The following ARHGEF33 variants were observed in gnomAD, a reference collection of about 807,000 sequenced individuals.
The protein encoded by ARHGEF33 is Rho guanine nucleotide exchange factor 33, also known as DH and coiled-coil domain-containing protein ENSP00000381780.
ARHGEF33 carries 72 observed loss-of-function variants against 101.9 expected under a neutral mutation model. The ratio of observed to expected loss-of-function variants is 0.71; its 90% CI spans 0.58 to 0.86. The LOEUF (loss-of-function observed/expected upper bound fraction) is 0.86. ARHGEF33 is among the 40% of genes least tolerant of loss of function. The pLI is 0.00. For missense variants in ARHGEF33, 1,169 were observed against 1,111.3 expected (o/e 1.05, Z -0.74); for synonymous variants, 499 against 442.5 (o/e 1.13, Z -1.60).
rs981041764 is a variant in ARHGEF33 at position 38,952,990 on chromosome 2, C to T, written c.1054-172C>T. On this transcript the variant is annotated intron_variant, in intron 11 of 17. Coordinates refer to ENST00000409978, the MANE Select transcript of ARHGEF33 (RefSeq NM_001145451.5). ...CTAGGATTACAGGCGTGAGCCACCG[C>T]GCCTTATCTAAGATTAATTCTTTAA... 1.4e-4 allele frequency among the ~76,000 whole-genome samples: 22 copies of T among 152,070 alleles called. 1 individual carries two copies. Among genetic ancestry groups the T allele is most frequent in the African/African-American group, 4.8e-4 (20 of 41,378 alleles).
chr2:38,935,848 C>G lies in ARHGEF33; in HGVS notation c.565+14C>G. ...TGATGGGTCCTGGTAAGTGACTCTT[C>G]TCTTAGTTTTCTTTTCTTCCAGCAA... On this transcript the variant is annotated intron_variant, in intron 8 of 17. Transcript: ENST00000409978. 3 of 1,543,340 alleles carry G rather than the reference C, an allele frequency of 1.9e-6. No individual in the cohort carries two copies. The Admixed American group carries it at 5.9e-5, about 30-fold the overall frequency.
chr2:38,948,285 T>C (rs1293791194), intron 10 of ARHGEF33, among the ~76,000 whole-genome samples: 1 of 152,250 alleles, frequency 6.6e-6, no homozygotes, highest in Non-Finnish European at 1.5e-5. Flanking sequence ...GTTAAATTTT[T>C]TTAAAAGGTT....
In ARHGEF33 at chr2:38,943,946, A is replaced by T; in HGVS notation, c.836A>T (p.Lys279Ile). 1 of 1,551,932 alleles carries T rather than the reference A, an allele frequency of 6.4e-7. No homozygotes were observed. Among genetic ancestry groups the T allele is most frequent in the Non-Finnish European group, 8.7e-7 (1 of 1,147,004 alleles). ...VALELLESER[K>I]YVINISLILK... ...CTGGAACTGCTTGAATCTGAAAGAA[A>T]ATATGTCATTAACATCTCTCTGATC... Residue 279 changes from lysine to isoleucine, a missense_variant, in exon 10 of 18, where the codon AAA (lysine) becomes ATA (isoleucine). Transcript: ENST00000409978.
intron 7 of ARHGEF33, among the ~76,000 whole-genome samples, 185 bp from the exon 8 acceptor site, chr2:38,935,590 A>G (rs1667109979): frequency 6.6e-6 from 1 of 152,186 alleles, no homozygotes; most frequent in Non-Finnish European, 1.5e-5. Flanking sequence ...AAGTACCACT[A>G]TTATATCTTT....
chr2:38,903,798 C>A (rs1424068362), intron 2 of ARHGEF33, among the ~76,000 whole-genome samples: 3 of 152,168 alleles, frequency 2.0e-5, no homozygotes, highest in Non-Finnish European at 4.4e-5. Flanking sequence ...TTTTCTTCTA[C>A]CAATTATTTC....
rs1668224678 is a variant in ARHGEF33, at chr2:38,974,049, T to A, written c.*206T>A. The stretch of plus-strand genomic sequence containing the variant: ...TGAAGATTAGTTTCTGGTTAAGATC[T>A]GGCTTTTTGAACCTCAACACTGGGG... On this transcript the variant is annotated 3_prime_UTR_variant, in exon 18 of 18. Coordinates refer to ENST00000409978, the MANE Select transcript of ARHGEF33 (RefSeq NM_001145451.5). 2 of 241,240 alleles carry A rather than the reference T, an allele frequency of 8.3e-6. No individual in the cohort carries two copies. The highest frequency in any genetic ancestry group is 1.4e-5 in the Non-Finnish European group (2 of 143,848). 14.9% of individuals were successfully genotyped at this position (241,240 alleles called of 1,614,324 possible).
At chr2:38,966,187 C>A in intron 17 of ARHGEF33, 42 bp downstream of exon 17, 1 of 1,539,742 alleles carries the variant, frequency 6.5e-7, no homozygotes, top group South Asian at 1.2e-5. Flanking sequence ...ACTCATTTCC[C>A]TTTGGGCTAA....
chr2:38,941,632 C>T (rs1667309886), intron 9 of ARHGEF33, among the ~76,000 whole-genome samples: 1 of 151,750 alleles, frequency 6.6e-6, no homozygotes, highest in Admixed American at 6.6e-5. Flanking sequence ...ACTGCAACCT[C>T]TGGCTGCCAG....
rs759132191 is a variant in ARHGEF33 at position 38,965,962 on chromosome 2, C to A, written c.2344-44C>A. The A allele has an allele frequency of 2.9e-5, 45 of 1,546,530 alleles. No individual in the cohort carries two copies. The African/African-American group carries it at 6.2e-4, about 21-fold the overall frequency. On this transcript the variant is annotated intron_variant, in intron 16 of 17. Coordinates refer to ENST00000409978, the MANE Select transcript of ARHGEF33 (RefSeq NM_001145451.5). ...GTCCCATAGTCAGGATCCATAATAACATTGGAAGGAGTAAAGAAAAAAATC... is the reference window on the plus strand; with the variant it reads ...GTCCCATAGTCAGGATCCATAATAAAATTGGAAGGAGTAAAGAAAAAAATC...
intron 2 of ARHGEF33, among the ~76,000 whole-genome samples, chr2:38,913,017 C>T (rs1190602410): frequency 1.3e-5 from 2 of 151,548 alleles, no homozygotes; most frequent in Non-Finnish European, 2.9e-5. Context: ...TGGGAAAATG[C>T]TTATGCTCTG....
At chr2:38,929,683 A>C in intron 5 of ARHGEF33, 26 bp from the exon 6 acceptor site, 1 of 1,548,096 alleles carries the variant, frequency 6.5e-7, no homozygotes, top group Non-Finnish European at 8.7e-7. Flanking sequence ...GTACCACGTT[A>C]AAACATAGCA....
chr2:38,921,958 C>T (rs1666767040), intron 4 of ARHGEF33, among the ~76,000 whole-genome samples: 1 of 152,072 alleles, frequency 6.6e-6, no homozygotes, highest in Admixed American at 6.5e-5. Flanking sequence ...AATATCTGTA[C>T]AGGAAAAACT....
At chr2:38,891,369 T>G (rs1005841717) in intron 1 of ARHGEF33, among the ~76,000 whole-genome samples, 4 of 152,076 alleles carry the variant, frequency 2.6e-5, no homozygotes, top group Non-Finnish European at 4.4e-5. Flanking sequence ...CTCCTTCCCT[T>G]CCTCTCTCCT....
rs889223868 is a variant in ARHGEF33 at position 38,953,122 on chromosome 2, T to C, written c.1054-40T>C. 4.3e-6 allele frequency: 4 copies of C among 921,970 alleles called. No homozygotes were observed. In the African/African-American group the frequency reaches 6.5e-5, roughly 15 times the overall value. The allele number at this position is 921,970 out of a possible 1,614,324, so 57.1% of individuals were successfully genotyped here. The stretch of plus-strand genomic sequence containing the variant: ...TCTATAAAAATATTATAGATCCTGT[T>C]TTCAGGTTCTTACCATGCATTTTTG... On this transcript the variant is annotated intron_variant, in intron 11 of 17. Coordinates refer to ENST00000409978, the MANE Select transcript of ARHGEF33 (RefSeq NM_001145451.5).
At chr2:38,891,761 C>CA (rs546150613) in intron 1 of ARHGEF33, among the ~76,000 whole-genome samples, 104 of 143,646 alleles carry the variant, frequency 7.2e-4, no homozygotes, top group Non-Finnish European at 1.4e-3. Context: ...GTGTGAAACA[C>CA]AGTTTAACCA....
intron 4 of ARHGEF33, among the ~76,000 whole-genome samples, chr2:38,928,383 C>T (rs1338225527): frequency 6.6e-6 from 1 of 152,078 alleles, no homozygotes; most frequent in African/African-American, 2.4e-5. Context: ...ATGATATCAT[C>T]CAAGAGTATT....
intron 17 of ARHGEF33, chr2:38,971,934 C>T: frequency 1.4e-6 from 1 of 718,522 alleles, no homozygotes; most frequent in South Asian, 1.5e-5. Context: ...TCAAAGCTTT[C>T]CTATTTTCAG....
chr2:38,973,847 ATACT>A lies in ARHGEF33; in HGVS notation c.*7_*10del, dbSNP rs772914298. ...TGACCAAGGAACAGCTGTGTAAAAC[ATACT>A]TAAAGTTGTATTGTCAAGTGGTAAG... On this transcript the variant is annotated 3_prime_UTR_variant, in exon 18 of 18. Coordinates refer to ENST00000409978, the MANE Select transcript of ARHGEF33 (RefSeq NM_001145451.5). 1.9e-6 allele frequency: 3 copies of A among 1,543,188 alleles called. No homozygotes were observed. The highest frequency in any genetic ancestry group is 2.7e-5 in the African/African-American group (2 of 72,784).
chr2:38,937,373 A>C lies in ARHGEF33; in HGVS notation c.604A>C (p.Lys202Gln). Residue 202 changes from lysine to glutamine, a missense_variant, in exon 9 of 18, where the codon AAG becomes CAG. By Grantham distance (53) the Lys-to-Gln change is moderately conservative (BLOSUM62 1). Coordinates refer to ENST00000409978, the MANE Select transcript of ARHGEF33 (RefSeq NM_001145451.5). Reference sequence around the variant, plus strand: ...AACTCCAGAAGCAGAAGAAAACCTCAAGTCTTGCCTCTCGGCTGATATCCA... The same window carrying C: ...AACTCCAGAAGCAGAAGAAAACCTCCAGTCTTGCCTCTCGGCTGATATCCA... ...PTTPEAEENL[K>Q]SCLSADIQSK... 1.5e-6 allele frequency: 2 copies of C among 1,342,314 alleles called. No individual in the cohort carries two copies. The highest frequency in any genetic ancestry group is 2.4e-5 in the Admixed American group (1 of 42,230). 83.2% of individuals were successfully genotyped at this position (1,342,314 alleles called of 1,614,324 possible).
Sources: allele counts gnomAD v4.1 joint callset (sites outside exome capture counted in the v4.1 genomes callset), GRCh38; gene constraint gnomAD v4.1.1; transcripts MANE v1.5; gene names NCBI Gene and HGNC (gene_info 2026-07-23, HGNC 2026-07-21).